The following SLC4A4 variants were observed in gnomAD, a reference collection of about 807,000 sequenced individuals.
SLC4A4 encodes the protein electrogenic sodium bicarbonate cotransporter 1.
SLC4A4 carries 27 observed loss-of-function variants against 111.5 expected under a neutral mutation model. That is an observed-to-expected ratio of 0.24 (90% CI 0.18 to 0.33). The LOEUF is 0.33. Ranked by LOEUF, SLC4A4 falls within the 10% of genes least tolerant of loss-of-function variation. The pLI is 1.00. For missense variants in SLC4A4, 909 were observed against 1,315.5 expected (o/e 0.69, Z 4.78); for synonymous variants, 443 against 463.4 (o/e 0.96, Z 0.57).
At chr4:71,236,917 T>G (rs777249485) in intron 2 of SLC4A4, among the ~76,000 whole-genome samples, 25 of 152,206 alleles carry the variant, frequency 1.6e-4, no homozygotes, top group Non-Finnish European at 2.9e-4. Context: ...TGCCTCTTCA[T>G]CAAAAATAAA....
Position 71,272,397 on chromosome 4 carries a change from C to T in SLC4A4, c.253+16998C>T, listed in dbSNP as rs114350657. Among the ~76,000 whole-genome samples, 72 of 152,236 alleles carry T rather than the reference C, an allele frequency of 4.7e-4. 1 individual carries two copies. Among genetic ancestry groups the T allele is most frequent in the African/African-American group, 1.7e-3 (70 of 41,546 alleles). Reference sequence around the variant, plus strand: ...TTTTGTAGATAAGGAAAGTGAGGCTCATGGAGGTTAAATGACTGAAAGACA... The same window carrying T: ...TTTTGTAGATAAGGAAAGTGAGGCTTATGGAGGTTAAATGACTGAAAGACA... On this transcript the variant is annotated intron_variant, in intron 3 of 25. Transcript: ENST00000264485.
At chr4:71,296,264 G>T (rs1356656695) in intron 3 of SLC4A4, among the ~76,000 whole-genome samples, 1 of 152,046 alleles carries the variant, frequency 6.6e-6, no homozygotes, top group Non-Finnish European at 1.5e-5. Context: ...TCAAACATTT[G>T]CCCTGAGCCT....
intron 6 of SLC4A4, among the ~76,000 whole-genome samples, chr4:71,386,641 T>A (rs1016932086): frequency 6.6e-6 from 1 of 152,148 alleles, no homozygotes; most frequent in Non-Finnish European, 1.5e-5. Flanking sequence ...AAGGTAATTA[T>A]TGGTCTAATC....
At chr4:71,466,630 T>C in intron 13 of SLC4A4, 53 bp downstream of exon 13, 1 of 1,545,302 alleles carries the variant, frequency 6.5e-7, no homozygotes, top group Admixed American at 1.7e-5. Flanking sequence ...TGTAGAACCT[T>C]TATAGGCTAG....
intron 7 of SLC4A4, among the ~76,000 whole-genome samples, chr4:71,413,399 G>A (rs1028733988): frequency 2.6e-5 from 4 of 152,142 alleles, no homozygotes; most frequent in Admixed American, 1.3e-4. Context: ...TACCTCAACT[G>A]TCTTTCTGCA....
At chr4:71,550,118 C>G (rs1304001105) in intron 20 of SLC4A4, among the ~76,000 whole-genome samples, 1 of 151,878 alleles carries the variant, frequency 6.6e-6, no homozygotes, top group African/African-American at 2.4e-5. Flanking sequence ...ATGAAAAATG[C>G]AGTCCAGCAA....
intron 2 of SLC4A4, among the ~76,000 whole-genome samples, chr4:71,134,258 A>G (rs1743786096): frequency 3.3e-5 from 5 of 152,084 alleles, no homozygotes; most frequent in Admixed American, 3.3e-4. Flanking sequence ...TTGAAGCTAT[A>G]CTCCCAGATT....
At chr4:71,302,372 A>G (rs1725342304) in intron 3 of SLC4A4, among the ~76,000 whole-genome samples, 1 of 152,292 alleles carries the variant, frequency 6.6e-6, no homozygotes, top group Admixed American at 6.5e-5. Context: ...ATATAACTTA[A>G]AAGGTCCCTT....
intron 12 of SLC4A4, among the ~76,000 whole-genome samples, chr4:71,459,880 T>C (rs1726658204): frequency 6.6e-6 from 1 of 152,062 alleles, no homozygotes; most frequent in Non-Finnish European, 1.5e-5. Context: ...TGAAAAATAA[T>C]GGTTCATTTT....
At chr4:71,189,761 A>T (rs1273244112) in intron 1 of SLC4A4, among the ~76,000 whole-genome samples, 4 of 152,224 alleles carry the variant, frequency 2.6e-5, no homozygotes, top group Non-Finnish European at 4.4e-5. Flanking sequence ...ACTCTGCTGG[A>T]CTTAAGTGTG....
intron 8 of SLC4A4, among the ~76,000 whole-genome samples, chr4:71,445,637 T>C (rs1020676103): frequency 3.3e-5 from 5 of 152,136 alleles, no homozygotes; most frequent in Non-Finnish European, 7.4e-5. Flanking sequence ...CTGCCCCTTT[T>C]CACCTAAACC....
At chr4:71,309,489 G>A (rs1447525977) in intron 3 of SLC4A4, among the ~76,000 whole-genome samples, 1 of 152,166 alleles carries the variant, frequency 6.6e-6, no homozygotes, top group Non-Finnish European at 1.5e-5. Context: ...GGAGCAGGCA[G>A]GAATCTTTGC....
chr4:71,339,531 T>C (rs1320984874), intron 4 of SLC4A4, 26 bp downstream of exon 4: 4 of 1,609,376 alleles, frequency 2.5e-6, no homozygotes, highest in Non-Finnish European at 3.4e-6. Context: ...CTGTATGTAG[T>C]ACTGACCCAG....
chr4:71,535,979 A>G (rs1467574657), intron 18 of SLC4A4, among the ~76,000 whole-genome samples: 1 of 152,116 alleles, frequency 6.6e-6, no homozygotes, highest in African/African-American at 2.4e-5. Context: ...AAGGTTGCAA[A>G]TTCAGTTGGA....
intron 14 of SLC4A4, among the ~76,000 whole-genome samples, chr4:71,481,961 C>T (rs560754728): frequency 2.0e-5 from 3 of 151,614 alleles, no homozygotes; most frequent in African/African-American, 7.3e-5. Flanking sequence ...AGCCAGGATG[C>T]TGAGTAAATG....
intron 6 of SLC4A4, among the ~76,000 whole-genome samples, chr4:71,379,248 C>G: frequency 6.6e-6 from 1 of 152,168 alleles, no homozygotes. Flanking sequence ...CTTATAATGT[C>G]AAGCCTGAGT....
chr4:71,276,467 A>G (rs1723073255), intron 3 of SLC4A4, among the ~76,000 whole-genome samples: 1 of 151,964 alleles, frequency 6.6e-6, no homozygotes, highest in Non-Finnish European at 1.5e-5. Flanking sequence ...CTTTCACACC[A>G]TCCCTATCCC....
At chr4:71,163,547 G>T (rs1047598167) in intron 2 of SLC4A4, among the ~76,000 whole-genome samples, 1 of 152,196 alleles carries the variant, frequency 6.6e-6, no homozygotes, top group Non-Finnish European at 1.5e-5. Context: ...GGCTGAGTGA[G>T]GAGGCATGGT....
At position 71,150,818 on chromosome 4, in the gene SLC4A4, T is replaced by C. The variant is rs146504583; in HGVS notation, c.-2+58026T>C. Among the ~76,000 whole-genome samples the C allele has an allele frequency of 4.8e-3, 737 of 152,258 alleles. 4 individuals carry two copies. Among genetic ancestry groups the C allele is most frequent in the African/African-American group, 0.017 (701 of 41,552 alleles). On this transcript the variant is annotated intron_variant, in intron 2 of 26. Coordinates refer to the SLC4A4 transcript ENST00000649996. Reference sequence around the variant, plus strand: ...TCTATGGCCTCCCTTCCCCTTTCCATTAGCTCTCTGCATTTTTCTTATATT... The same window carrying C: ...TCTATGGCCTCCCTTCCCCTTTCCACTAGCTCTCTGCATTTTTCTTATATT...
Sources: gnomAD v4.1 joint callset for allele counts (sites outside exome capture counted in the v4.1 genomes callset) on GRCh38, gnomAD v4.1.1 for gene constraint, MANE v1.5 for transcripts, NCBI Gene and HGNC (gene_info 2026-07-23, HGNC 2026-07-21) for gene names.